The following H3C4 variants were observed in gnomAD, a reference collection of about 807,000 sequenced individuals.
The protein encoded by H3C4 is histone H3.1.
A neutral mutation model predicts 8.7 loss-of-function variants in H3C4; 10 were observed. That is an observed-to-expected ratio of 1.15 (90% CI 0.71 to 1.96). The LOEUF is 1.96. H3C4 is among the 30% of genes most tolerant of loss of function. The pLI, the probability that H3C4 is intolerant of heterozygous loss-of-function variation, is 0.00. For synonymous variants in H3C4, 141 were observed against 80.1 expected, an observed-to-expected ratio of 1.76 and a Z score of -4.06; for missense variants, 216 against 192.9, an observed-to-expected ratio of 1.12 and a Z score of -0.71.
At chr6:26,198,291 A>T (rs1241575890), upstream of H3C4, among the ~76,000 whole-genome samples, 1 of 152,174 alleles carries the variant, frequency 6.6e-6, no homozygotes, top group African/African-American at 2.4e-5. Context: ...TTTAAATTAC[A>T]TGTGACATAA....
upstream of H3C4, among the ~76,000 whole-genome samples, chr6:26,198,305 C>T (rs1765028938): frequency 6.6e-6 from 1 of 152,148 alleles, no homozygotes; most frequent in Non-Finnish European, 1.5e-5. Flanking sequence ...GACATAAAGT[C>T]TCTTTGCATT....
Position 26,196,845 on chromosome 6 carries a change from C to A in H3C4, c.406G>T (p.Ala136Ser), listed in dbSNP as rs1162696698. The change falls in exon 1 of 1, where the codon GCG becomes TCG. Residue 136 changes from alanine to serine, a missense_variant. Transcript: ENST00000356476. ...GCACACATTCACAAGACAATTTACG[C>A]CCTCTCCCCACGAATGCGGCGAGCA... ...QLARRIRGER[A>S] 6.2e-7 allele frequency: 1 copy of A among 1,614,238 alleles called. No homozygotes were observed. Among genetic ancestry groups the A allele is most frequent in the Non-Finnish European group, 8.5e-7 (1 of 1,180,028 alleles).
At chr6:26,197,287 GA>G (rs745827011), upstream of H3C4, 3 of 1,588,774 alleles carry the variant, frequency 1.9e-6, no homozygotes, top group South Asian at 3.4e-5. Flanking sequence ...ACGAAAAAAC[GA>G]AAGTCTAGCC....
At chr6:26,198,605 T>TA (rs1233888847), upstream of H3C4, among the ~76,000 whole-genome samples, 14 of 152,356 alleles carry the variant, frequency 9.2e-5, no homozygotes, top group Admixed American at 2.6e-4. Flanking sequence ...GTCCTGGGAT[T>TA]ACAGGCGTAA....
chr6:26,199,045 C>A (rs769610801), upstream of H3C4: 22 of 1,614,088 alleles, frequency 1.4e-5, no homozygotes, highest in Admixed American at 5.0e-5. Context: ...GCGTTGCCCG[C>A]CAGCTCCAGG....
upstream of H3C4, chr6:26,198,988 G>A (rs762403025): frequency 2.1e-4 from 333 of 1,614,098 alleles, no homozygotes; most frequent in Non-Finnish European, 2.6e-5. Context: ...CGGATGGCCA[G>A]CTGCAGGTGT....
At chr6:26,197,981 G>C (rs995243590), upstream of H3C4, among the ~76,000 whole-genome samples, 1 of 151,642 alleles carries the variant, frequency 6.6e-6, no homozygotes, top group African/African-American at 2.4e-5. Context: ...CTCCACCTAA[G>C]GGCCGTCTGG....
In H3C4 at chr6:26,197,113, C is replaced by A; in HGVS notation, c.138G>T (p.Thr46=). The change falls in exon 1 of 1, where the codon ACG becomes ACT. Residue 46 remains threonine, a synonymous_variant. Coordinates refer to ENST00000356476, the MANE Select transcript of H3C4 (RefSeq NM_001376937.1). The part of the protein sequence containing the change: ...VKKPHRYRPG[T]VALREIRRYQ... The stretch of plus-strand genomic sequence containing the variant: ...AGCGGCGGATCTCGCGCAGAGCCAC[C>A]GTGCCGGGCCGGTAACGGTGGGGCT... 6.2e-7 allele frequency: 1 copy of A among 1,614,184 alleles called. No individual in the cohort carries two copies.
chr6:26,198,280 A>G (rs1258712730), upstream of H3C4, among the ~76,000 whole-genome samples: 1 of 152,168 alleles, frequency 6.6e-6, no homozygotes, highest in Non-Finnish European at 1.5e-5. Context: ...GCATTGATCG[A>G]TTTAAATTAC....
At chr6:26,199,016 C>T (rs921816497), upstream of H3C4, 39 of 1,614,052 alleles carry the variant, frequency 2.4e-5, no homozygotes, top group Non-Finnish European at 3.1e-5. Context: ...TGATGCGGGT[C>T]TTCTTGTTGT....
upstream of H3C4, chr6:26,199,241 CATTTTGAATTCTTAAAAACGA>C: frequency 6.3e-7 from 1 of 1,593,242 alleles, no homozygotes; most frequent in Middle Eastern, 1.7e-4. Flanking sequence ...CGCGTCCGGA[CATTTTGAATTCTTAAAAACGA>C]TGTTAAGCAA....
upstream of H3C4, chr6:26,199,208 T>G (rs1765067575): frequency 6.2e-7 from 1 of 1,609,418 alleles, no homozygotes; most frequent in Admixed American, 1.7e-5. Context: ...TAGCCTTAGC[T>G]CGGGCCTTTC....
At chr6:26,197,481 C>T (rs1266630894), upstream of H3C4, among the ~76,000 whole-genome samples, 1 of 152,052 alleles carries the variant, frequency 6.6e-6, no homozygotes, top group African/African-American at 2.4e-5. Flanking sequence ...CCCTCTGTGC[C>T]ATGTTTCTAG....
upstream of H3C4, chr6:26,199,083 G>A (rs765226599): frequency 1.2e-6 from 2 of 1,614,084 alleles, no homozygotes; most frequent in South Asian, 2.2e-5. Flanking sequence ...CTCCAACACC[G>A]CCGCCAGATA....
At chr6:26,199,154 G>C (rs369759525), upstream of H3C4, 7 of 1,614,178 alleles carry the variant, frequency 4.3e-6, no homozygotes, top group South Asian at 7.7e-5. Flanking sequence ...AGCGGTGTAC[G>C]CGGCCCACAG....
upstream of H3C4, chr6:26,199,054 G>C: frequency 6.2e-7 from 1 of 1,614,222 alleles, no homozygotes; most frequent in Non-Finnish European, 8.5e-7. Flanking sequence ...GCCAGCTCCA[G>C]GATCTCGGCG....
Position 26,197,177 on chromosome 6 carries a change from G to A in H3C4, c.74C>T (p.Ala25Val), listed in dbSNP as rs1427383033. 2.5e-6 allele frequency: 4 copies of A among 1,614,160 alleles called. No homozygotes were observed. The Admixed American group carries it at 5.0e-5, about 20-fold the overall frequency. Residue 25 changes from alanine (A) to valine (V), a missense_variant, in exon 1 of 1, where the codon GCT becomes GTT. Ala to Val is a moderately conservative substitution (Grantham distance 64, BLOSUM62 0). Transcript: ENST00000356476. ...KAPRKQLATK[A>V]ARKSAPATGG... ...GGTGGCTGGAGCGCTCTTTCGAGCA[G>A]CCTTGGTGGCCAGCTGCTTGCGTGG...
Position 26,196,797 on chromosome 6 carries a change from A to G in H3C4, c.*43T>C. The G allele has an allele frequency of 6.2e-7, 1 of 1,606,006 alleles. No homozygotes were observed. Among genetic ancestry groups the G allele is most frequent in the East Asian group, 2.2e-5 (1 of 44,848 alleles). ...TTATAGAAAAGGTGGTTGGCTCTGAAAAGAGCCTTTGGGTTTTGGTTAGCA... is the reference window on the plus strand; with the variant it reads ...TTATAGAAAAGGTGGTTGGCTCTGAGAAGAGCCTTTGGGTTTTGGTTAGCA... On this transcript the variant is annotated 3_prime_UTR_variant, in exon 1 of 1. Coordinates refer to ENST00000356476, the MANE Select transcript of H3C4 (RefSeq NM_001376937.1).
At chr6:26,198,595 G>A (rs545004933), upstream of H3C4, among the ~76,000 whole-genome samples, 1 of 152,212 alleles carries the variant, frequency 6.6e-6, no homozygotes, top group Non-Finnish European at 1.5e-5. Flanking sequence ...GCCTTCCAAA[G>A]TCCTGGGATT....
Sources: allele counts gnomAD v4.1 joint callset (sites outside exome capture counted in the v4.1 genomes callset), GRCh38; gene constraint gnomAD v4.1.1; transcripts MANE v1.5; gene names NCBI Gene and HGNC (gene_info 2026-07-23, HGNC 2026-07-21).